Variants in EIF2B3 observed in about 807,000 individuals in gnomAD.
The protein encoded by EIF2B3 is eukaryotic translation initiation factor 2B subunit gamma.
In EIF2B3, 20 loss-of-function variants were observed where a neutral mutation model predicts 54.1. That is an observed-to-expected ratio of 0.37 (90% CI 0.26 to 0.54). The LOEUF (loss-of-function observed/expected upper bound fraction) is 0.54. EIF2B3 is among the 20% of genes least tolerant of loss of function. The pLI is 0.86. For missense variants in EIF2B3, 448 were observed against 547.8 expected, an observed-to-expected ratio of 0.82 and a Z score of 1.82; for synonymous variants, 153 against 188.1, an observed-to-expected ratio of 0.81 and a Z score of 1.52.
chr1:44,909,972 T>C (rs891464975), intron 5 of EIF2B3, among the ~76,000 whole-genome samples: 10 of 152,226 alleles, frequency 6.6e-5, no homozygotes, highest in African/African-American at 9.6e-5. Context: ...TCCCCAGATA[T>C]AGATGTCTAA....
intron 5 of EIF2B3, among the ~76,000 whole-genome samples, chr1:44,902,658 C>T (rs1458518037): frequency 6.6e-6 from 1 of 151,294 alleles, no homozygotes; most frequent in Non-Finnish European, 1.5e-5. Flanking sequence ...CTTGTCTCCA[C>T]AAAAAATAAA....
At chr1:44,930,679 CG>C (rs1386141552) in intron 4 of EIF2B3, among the ~76,000 whole-genome samples, 2 of 151,770 alleles carry the variant, frequency 1.3e-5, no homozygotes, top group African/African-American at 4.8e-5. Flanking sequence ...CTTGCTCTGT[CG>C]CCCAGGCTGG....
At chr1:44,986,039 G>A (rs1644570995) in intron 1 of EIF2B3, among the ~76,000 whole-genome samples, 1 of 152,184 alleles carries the variant, frequency 6.6e-6, no homozygotes, top group Non-Finnish European at 1.5e-5. Flanking sequence ...AAGAGTGCAG[G>A]CACAGTGCTA....
chr1:44,916,572 GCACTTTGGGAGGCCAAGGTGGGAGGAT>G (rs1643627263), intron 5 of EIF2B3, among the ~76,000 whole-genome samples: 1 of 148,136 alleles, frequency 6.8e-6, no homozygotes. Flanking sequence ...TGTAATCCCA[GCACTTTGGGAGGCCAAGGTGGGAGGAT>G]CACTTGAGCC....
chr1:44,858,384 C>T (rs946510841), intron 10 of EIF2B3, among the ~76,000 whole-genome samples: 3 of 152,158 alleles, frequency 2.0e-5, no homozygotes, highest in Non-Finnish European at 4.4e-5. Context: ...TCAGAAATCA[C>T]AAATCCTCCT....
At chr1:44,952,217 C>G (rs1305279705) in intron 3 of EIF2B3, among the ~76,000 whole-genome samples, 1 of 121,220 alleles carries the variant, frequency 8.2e-6, no homozygotes, top group Non-Finnish European at 1.8e-5. Flanking sequence ...CCCGCCTCGG[C>G]CTCCCAAAGT....
intron 3 of EIF2B3, among the ~76,000 whole-genome samples, chr1:44,973,074 G>A (rs1443002276): frequency 6.6e-6 from 1 of 152,228 alleles, no homozygotes; most frequent in South Asian, 2.1e-4. Flanking sequence ...AGAGAAAGAG[G>A]TTGGAGCCCT....
At chr1:44,861,116 C>T (rs573427572) in intron 10 of EIF2B3, among the ~76,000 whole-genome samples, 1 of 152,330 alleles carries the variant, frequency 6.6e-6, no homozygotes, top group South Asian at 2.1e-4. Flanking sequence ...CACTAGTTTG[C>T]CCTTTGGCAG....
intron 3 of EIF2B3, among the ~76,000 whole-genome samples, chr1:44,948,413 C>T (rs1239856606): frequency 6.6e-6 from 1 of 152,134 alleles, no homozygotes; most frequent in Non-Finnish European, 1.5e-5. Flanking sequence ...TGGTGTCTCT[C>T]TTGCTCCAGT....
intron 3 of EIF2B3, among the ~76,000 whole-genome samples, chr1:44,965,188 T>G (rs1644324780): frequency 6.6e-6 from 1 of 152,202 alleles, no homozygotes; most frequent in South Asian, 2.1e-4. Context: ...GCTGCACACC[T>G]GCAAGACAAG....
At chr1:44,925,965 C>A (rs1037896208) in intron 5 of EIF2B3, among the ~76,000 whole-genome samples, 2 of 151,856 alleles carry the variant, frequency 1.3e-5, no homozygotes, top group Non-Finnish European at 2.9e-5. Context: ...CGGTGGCTCA[C>A]GCCTGTAATC....
chr1:44,951,959 T>TGCA (rs1422588818), intron 3 of EIF2B3, among the ~76,000 whole-genome samples: 50 of 57,022 alleles, frequency 8.8e-4, no homozygotes, highest in South Asian at 2.0e-3. Context: ...GGCTAATTTT[T>TGCA]TTTTTTTTTT....
intron 10 of EIF2B3, among the ~76,000 whole-genome samples, chr1:44,866,820 G>A (rs1181127119): frequency 6.6e-6 from 1 of 152,236 alleles, no homozygotes; most frequent in Non-Finnish European, 1.5e-5. Flanking sequence ...CTCCCAAAGT[G>A]TTGGGATTAC....
chr1:44,850,691 T>A lies in EIF2B3; in HGVS notation c.*260A>T. ...GGACAGCTGCTGCCCCACCGATACA[T>A]CTTGGCACACAAGAGTTAGGCCACT... On this transcript the variant is annotated 3_prime_UTR_variant, in exon 12 of 12. Transcript: ENST00000360403. 4 of 549,214 alleles carry A rather than the reference T, an allele frequency of 7.3e-6. No homozygotes were observed. Among genetic ancestry groups the A allele is most frequent in the South Asian group, 6.7e-5 (3 of 44,954 alleles). 34.0% of individuals were successfully genotyped at this position (549,214 alleles called of 1,614,324 possible).
intron 10 of EIF2B3, among the ~76,000 whole-genome samples, chr1:44,860,887 G>C (rs1291471730): frequency 6.6e-6 from 1 of 152,092 alleles, no homozygotes; most frequent in Non-Finnish European, 1.5e-5. Flanking sequence ...TGGGAAAGAG[G>C]ACATTCCAAG....
chr1:44,981,107 G>A lies in EIF2B3; in HGVS notation c.62C>T (p.Ser21Phe). 2 of 1,612,718 alleles carry A rather than the reference G, an allele frequency of 1.2e-6. No homozygotes were observed. The highest frequency in any genetic ancestry group is 8.5e-7 in the Non-Finnish European group (1 of 1,179,810). ...GGGSRMTDLT[S>F]SIPKPLLPVG... ...TGGAAGCAGAGGTTTGGGAATGCTG[G>A]AAGTTAGGTCTGTCATCCGAGATCC... The change falls in exon 2 of 12, where the codon TCC (serine) becomes TTC (phenylalanine). Residue 21 changes from serine to phenylalanine, a missense_variant. Physicochemically the swap from Ser to Phe is radical, Grantham distance 155. Around this residue, in one of 3 missense-constraint regions of EIF2B3, gnomAD observed 95 missense variants for 115.7 expected, o/e 0.82. Coordinates refer to ENST00000360403, the MANE Select transcript of EIF2B3 (RefSeq NM_020365.5).
chr1:44,941,439 G>T, intron 4 of EIF2B3, 67 bp downstream of exon 4: 1 of 1,514,704 alleles, frequency 6.6e-7, no homozygotes, highest in Non-Finnish European at 8.9e-7. Context: ...GTTTTTTCAG[G>T]GAAAGCATGA....
Position 44,930,335 on chromosome 1 carries a change from T to C in EIF2B3, c.455-3596A>G, listed in dbSNP as rs74388178. Among the ~76,000 whole-genome samples, 322 of 152,310 alleles carry C rather than the reference T, an allele frequency of 2.1e-3. 2 individuals are homozygous for C. Among genetic ancestry groups the C allele is most frequent in the African/African-American group, 7.2e-3 (298 of 41,570 alleles). On this transcript the variant is annotated intron_variant, in intron 4 of 11. Transcript: ENST00000360403. ...AAATTTACTCATTAGCAAGTCAAAATAGTATGTCGAGTAGATTAAAAAGGG... is the reference window on the plus strand; with the variant it reads ...AAATTTACTCATTAGCAAGTCAAAACAGTATGTCGAGTAGATTAAAAAGGG...
In EIF2B3 at chr1:44,881,663, C is replaced by T. The variant is rs749223861; in HGVS notation, c.733G>A (p.Gly245Arg). ...AGATCCTCCTCTTTTTCTTCTTGTCCCTGTTGTGAGGAAGCTGAGGAAAAC... is the reference window on the plus strand; with the variant it reads ...AGATCCTCCTCTTTTTCTTCTTGTCTCTGTTGTGAGGAAGCTGAGGAAAAC... ...KQFSSASSQQGQEEKEEDLKK... is the reference protein window; with the variant it reads ...KQFSSASSQQRQEEKEEDLKK... The change falls in exon 7 of 12, where the codon GGA becomes AGA. Residue 245 changes from glycine (G) to arginine (R), a missense_variant. Physicochemically the swap from Gly to Arg is moderately radical, Grantham distance 125. This residue lies in a region of EIF2B3 where 350 missense variants were observed against 414.2 expected (regional missense o/e 0.85). Transcript: ENST00000360403. This position sits in a 1 kb window ranked among gnomAD's most constrained non-coding sequence, Gnocchi z 4.0. 6.2e-7 allele frequency: 1 copy of T among 1,614,024 alleles called. No individual in the cohort carries two copies. Among genetic ancestry groups the T allele is most frequent in the Admixed American group, 1.7e-5 (1 of 60,010 alleles).
Sources: gnomAD v4.1 joint callset for allele counts (sites outside exome capture counted in the v4.1 genomes callset) on GRCh38, gnomAD v4.1.1 for gene constraint, gnomAD v4.1.1 regional missense constraint, Gnocchi (gnomAD v3.1) non-coding constraint, MANE v1.5 for transcripts, NCBI Gene and HGNC (gene_info 2026-07-23, HGNC 2026-07-21) for gene names.